DPP10: variants seen among roughly 807,000 people sequenced by gnomAD.
The protein encoded by DPP10 is inactive dipeptidyl peptidase 10.
DPP10 carries 33 observed loss-of-function variants against 120.9 expected under a neutral mutation model. The ratio of observed to expected loss-of-function variants is 0.27; its 90% confidence interval spans 0.21 to 0.37. The LOEUF is 0.37. Ranked by LOEUF, DPP10 falls within the 10% of genes least tolerant of loss-of-function variation. DPP10 has a pLI of 1.00. For missense variants in DPP10, 816 were observed against 942.8 expected (o/e 0.87, Z 1.76); for synonymous variants, 337 against 326.1 (o/e 1.03, Z -0.36).
rs529189685 is a variant in DPP10, at chr2:114,967,646, G to A, written c.61-341593G>A. On this transcript the variant is annotated intron_variant, in intron 1 of 25. Transcript: ENST00000410059. ...AGGGTGAAAGTGAAGAATAGTGAAAGGCTGGAAGGTTTATAAATCCCAGGG... is the reference window on the plus strand; with the variant it reads ...AGGGTGAAAGTGAAGAATAGTGAAAAGCTGGAAGGTTTATAAATCCCAGGG... Among the ~76,000 whole-genome samples, 5 of 152,244 alleles carry A rather than the reference G, an allele frequency of 3.3e-5. No homozygotes were observed. In the South Asian group the frequency reaches 1.0e-3, roughly 32 times the overall value.
intron 1 of DPP10, among the ~76,000 whole-genome samples, chr2:115,015,402 TG>T (rs1249780173): frequency 1.2e-4 from 18 of 152,146 alleles, no homozygotes; most frequent in African/African-American, 3.9e-4. Flanking sequence ...TCATACTGAA[TG>T]GGCAAAGGCT....
At chr2:115,700,739 A>G (rs935814796) in intron 7 of DPP10, among the ~76,000 whole-genome samples, 12 of 152,176 alleles carry the variant, frequency 7.9e-5, no homozygotes, top group Non-Finnish European at 1.8e-4. Context: ...TCAGCAAAGT[A>G]CTAGGATAAA....
At chr2:114,900,531 C>G (rs936610420) in intron 1 of DPP10, among the ~76,000 whole-genome samples, 1 of 152,158 alleles carries the variant, frequency 6.6e-6, no homozygotes, top group Non-Finnish European at 1.5e-5. Flanking sequence ...GCTTTGAAGT[C>G]TTTGCTCTTT....
At chr2:115,270,066 T>TCACACACACACACACA (rs57649162) in intron 1 of DPP10, among the ~76,000 whole-genome samples, 66 of 130,720 alleles carry the variant, frequency 5.0e-4, no homozygotes, top group Admixed American at 1.0e-3. Context: ...TAGGTATACT[T>TCACACACACACACACA]CACACACACA....
intron 1 of DPP10, among the ~76,000 whole-genome samples, chr2:115,290,683 A>G (rs2060616100): frequency 6.6e-6 from 1 of 152,016 alleles, no homozygotes; most frequent in Non-Finnish European, 1.5e-5. Context: ...GGGATTTGTT[A>G]GCATGTCTCT....
chr2:115,844,512 G>A lies in DPP10; in HGVS notation c.*2167G>A, dbSNP rs766661014. The stretch of plus-strand genomic sequence containing the variant: ...GTGAAAGCATATTGCTTAGTAGGAA[G>A]GTAGAAAATGTTAATCCCTGCGATT... On this transcript the variant is annotated 3_prime_UTR_variant, in exon 26 of 26. Coordinates refer to ENST00000410059, the MANE Select transcript of DPP10 (RefSeq NM_020868.6). The A allele has an allele frequency of 6.6e-6, 1 of 152,402 alleles. No individual in the cohort carries two copies. Among genetic ancestry groups the A allele is most frequent in the Middle Eastern group, 3.4e-3 (1 of 294 alleles). 9.4% of individuals were successfully genotyped at this position (152,402 alleles called of 1,614,324 possible). A position where few individuals can be genotyped will look rare whatever the true frequency, so the allele number is the denominator to read the frequency against.
intron 5 of DPP10, among the ~76,000 whole-genome samples, chr2:115,637,545 G>A (rs1333880573): frequency 2.0e-5 from 3 of 152,072 alleles, no homozygotes; most frequent in Non-Finnish European, 2.9e-5. Context: ...TAAAGATTGA[G>A]GAATAGGTAA....
At chr2:114,739,617 C>A (rs555582869) in intron 1 of DPP10, among the ~76,000 whole-genome samples, 1 of 152,236 alleles carries the variant, frequency 6.6e-6, no homozygotes, top group South Asian at 2.1e-4. Flanking sequence ...CAAGACTGAG[C>A]CACTGCACTC....
intron 1 of DPP10, among the ~76,000 whole-genome samples, chr2:115,176,616 A>G (rs991301503): frequency 6.6e-6 from 1 of 152,192 alleles, no homozygotes; most frequent in Non-Finnish European, 1.5e-5. Context: ...AATAAATCAT[A>G]TTTGATTCTT....
chr2:115,780,874 T>G lies in DPP10; in HGVS notation c.1362T>G (p.Ser454Arg). The G allele has an allele frequency of 1.3e-6, 2 of 1,599,862 alleles. No homozygotes were observed. The highest frequency in any genetic ancestry group is 2.3e-5 in the South Asian group (2 of 88,704). ...ESSPRGRQLY[S>R]ASTEGLLNRQ... ...AATAACTTCCTTTTTCTTTCTCCAGTGCTTCTACTGAAGGATTATTGAATC... is the reference window on the plus strand; with the variant it reads ...AATAACTTCCTTTTTCTTTCTCCAGGGCTTCTACTGAAGGATTATTGAATC... The change falls in exon 16 of 26, where the codon AGT (serine) becomes AGG (arginine). Residue 454 changes from serine (S) to arginine (R), a missense_variant and splice_region_variant. Around this residue, in one of 3 missense-constraint regions of DPP10, gnomAD observed 592 missense variants for 649.0 expected, o/e 0.91. Transcript: ENST00000410059.
At chr2:114,596,393 G>A (rs924998027) in intron 1 of DPP10, among the ~76,000 whole-genome samples, 1 of 110,520 alleles carries the variant, frequency 9.0e-6, no homozygotes, top group African/African-American at 4.5e-5. Flanking sequence ...GAGGGTCTTC[G>A]AAAAGCAAAA....
intron 3 of DPP10, among the ~76,000 whole-genome samples, chr2:115,410,846 T>C (rs1173401871): frequency 1.3e-5 from 2 of 152,186 alleles, no homozygotes; most frequent in Admixed American, 6.6e-5. Flanking sequence ...ATAATTCTTA[T>C]AGTAATTTAA....
At chr2:115,413,164 G>A (rs2069096441) in intron 3 of DPP10, among the ~76,000 whole-genome samples, 2 of 152,130 alleles carry the variant, frequency 1.3e-5, no homozygotes, top group Non-Finnish European at 1.5e-5. Context: ...GTCCATCTGA[G>A]GAAGAGGAAG....
At chr2:115,174,199 T>G (rs2053551688) in intron 1 of DPP10, among the ~76,000 whole-genome samples, 1 of 152,188 alleles carries the variant, frequency 6.6e-6, no homozygotes, top group Non-Finnish European at 1.5e-5. Context: ...CCTGATGAAG[T>G]AGAAGAGAGT....
At chr2:115,429,149 G>A (rs1006149754) in intron 3 of DPP10, among the ~76,000 whole-genome samples, 5 of 151,908 alleles carry the variant, frequency 3.3e-5, no homozygotes, top group African/African-American at 7.2e-5. Context: ...AATAAATAAA[G>A]GAGGGCATTT....
intron 1 of DPP10, among the ~76,000 whole-genome samples, chr2:114,689,445 G>T (rs1699593779): frequency 6.6e-6 from 1 of 151,944 alleles, no homozygotes. Flanking sequence ...GCATTTCCAT[G>T]GTGTATATGT....
chr2:115,761,929 C>T (rs1575706114), intron 11 of DPP10, among the ~76,000 whole-genome samples: 1 of 152,076 alleles, frequency 6.6e-6, no homozygotes, highest in East Asian at 1.9e-4. Context: ...CATGTCATTA[C>T]ATGTAAACGG....
At chr2:115,295,410 AT>A (rs2060841408) in intron 1 of DPP10, among the ~76,000 whole-genome samples, 1 of 152,140 alleles carries the variant, frequency 6.6e-6, no homozygotes, top group African/African-American at 2.4e-5. Flanking sequence ...GCAGATATAA[AT>A]AAAAGGTCCA....
chr2:114,626,526 A>G (rs1248658162), intron 1 of DPP10, among the ~76,000 whole-genome samples: 1 of 152,050 alleles, frequency 6.6e-6, no homozygotes, highest in African/African-American at 2.4e-5. Flanking sequence ...ACGTTTCACC[A>G]AGGGAATTTG....
Sources: allele counts gnomAD v4.1 joint callset (sites outside exome capture counted in the v4.1 genomes callset), GRCh38; gene constraint gnomAD v4.1.1; regional missense constraint gnomAD v4.1.1; transcripts MANE v1.5; gene names NCBI Gene and HGNC (gene_info 2026-07-23, HGNC 2026-07-21).